Variants in NFIB observed in about 807,000 individuals in gnomAD.
The protein encoded by NFIB is nuclear factor I B.
In NFIB, 11 loss-of-function variants were observed where a neutral mutation model predicts 61.5. That is an observed-to-expected ratio of 0.18 (90% CI 0.11 to 0.30). The LOEUF (loss-of-function observed/expected upper bound fraction) is 0.30, where lower values mean the gene tolerates loss of function less well. Ranked by LOEUF, NFIB falls within the 10% of genes least tolerant of loss-of-function variation. The pLI is 1.00. For synonymous variants in NFIB, 260 were observed against 216.5 expected, an observed-to-expected ratio of 1.20 and a Z score of -1.76; for missense variants, 471 against 608.9, an observed-to-expected ratio of 0.77 and a Z score of 2.38.
chr9:14,103,153 A>C (rs992929262), intron 10 of NFIB, among the ~76,000 whole-genome samples: 5 of 152,196 alleles, frequency 3.3e-5, no homozygotes, highest in Admixed American at 3.3e-4. Flanking sequence ...GAAGAAAGTG[A>C]GGAATGCACT....
chr9:14,265,366 A>G (rs1202381041), intron 2 of NFIB, among the ~76,000 whole-genome samples: 1 of 152,170 alleles, frequency 6.6e-6, no homozygotes, highest in Non-Finnish European at 1.5e-5. Context: ...GGTAATTAAG[A>G]TTACGTGACA....
chr9:14,249,795 C>T (rs1563943801), intron 2 of NFIB, among the ~76,000 whole-genome samples: 1 of 152,050 alleles, frequency 6.6e-6, no homozygotes, highest in Non-Finnish European at 1.5e-5. Context: ...AATTCCACAA[C>T]CCCTTCACCA....
chr9:14,125,830 C>A, intron 6 of NFIB, 64 bp from the exon 7 acceptor site: 1 of 1,571,982 alleles, frequency 6.4e-7, no homozygotes, highest in East Asian at 2.3e-5. Flanking sequence ...TTCATGTCAA[C>A]AAATGACAGA....
At chr9:14,364,930 C>G (rs1359847002) in intron 1 of NFIB, among the ~76,000 whole-genome samples, 1 of 152,206 alleles carries the variant, frequency 6.6e-6, no homozygotes, top group African/African-American at 2.4e-5. Flanking sequence ...TCTTGGTAAT[C>G]TAACAGCAAT....
At chr9:14,248,743 T>C (rs1382881356) in intron 2 of NFIB, among the ~76,000 whole-genome samples, 2 of 152,084 alleles carry the variant, frequency 1.3e-5, no homozygotes, top group African/African-American at 2.4e-5. Context: ...CAGCAACAGG[T>C]TCAGGGGTAG....
the NFIB span, among the ~76,000 whole-genome samples, chr9:14,406,557 A>G: frequency 7.2e-5 from 11 of 152,262 alleles, no homozygotes; most frequent in African/African-American, 2.4e-4. Context: ...AGAAGGAAAC[A>G]TGACACAGAT....
chr9:14,439,700 G>T, the NFIB span, among the ~76,000 whole-genome samples: 4 of 152,150 alleles, frequency 2.6e-5, no homozygotes, highest in Admixed American at 6.5e-5. Context: ...TCAGGGCCAA[G>T]GGGTGAGTTG....
At chr9:14,167,966 T>G (rs2045090582) in intron 3 of NFIB, among the ~76,000 whole-genome samples, 1 of 152,134 alleles carries the variant, frequency 6.6e-6, no homozygotes, top group Non-Finnish European at 1.5e-5. Context: ...TATATTGGAG[T>G]GCTACAATTC....
Position 14,123,989 on chromosome 9 carries a change from G to C in NFIB, c.1060+1643C>G, listed in dbSNP as rs77508000. On this transcript the variant is annotated intron_variant, in intron 7 of 10. Transcript: ENST00000380953. Reference sequence around the variant, plus strand: ...TTCCAGGTATCTAAACCTTCTTCAGGTTATCTAGTCATGTTCAGATTAGAT... The same window carrying C: ...TTCCAGGTATCTAAACCTTCTTCAGCTTATCTAGTCATGTTCAGATTAGAT... Among the ~76,000 whole-genome samples the C allele has an allele frequency of 6.4e-3, 980 of 152,004 alleles. 13 individuals are homozygous for C. Among genetic ancestry groups the C allele is most frequent in the African/African-American group, 0.023 (936 of 41,430 alleles).
chr9:14,294,709 T>C (rs2132576406), intron 2 of NFIB, among the ~76,000 whole-genome samples: 1 of 152,332 alleles, frequency 6.6e-6, no homozygotes, highest in East Asian at 1.9e-4. Flanking sequence ...GGACAAACAG[T>C]GAAATAACTT....
chr9:14,091,188 A>G (rs2033844351), intron 10 of NFIB, among the ~76,000 whole-genome samples: 1 of 151,894 alleles, frequency 6.6e-6, no homozygotes, highest in South Asian at 2.1e-4. Flanking sequence ...CAAGTCTCTT[A>G]TTGCCAATTT....
intron 10 of NFIB, among the ~76,000 whole-genome samples, chr9:14,105,776 A>G (rs1039004877): frequency 6.6e-6 from 1 of 152,172 alleles, no homozygotes; most frequent in African/African-American, 2.4e-5. Context: ...GGTTAATACT[A>G]CATGTATTTA....
intron 2 of NFIB, among the ~76,000 whole-genome samples, chr9:14,223,955 G>A (rs2052033265): frequency 6.6e-6 from 1 of 152,182 alleles, no homozygotes; most frequent in African/African-American, 2.4e-5. Flanking sequence ...GGGCTGTCCT[G>A]TGTATCTTCT....
At chr9:14,159,708 G>C (rs1388588262) in intron 3 of NFIB, among the ~76,000 whole-genome samples, 1 of 152,212 alleles carries the variant, frequency 6.6e-6, no homozygotes, top group Non-Finnish European at 1.5e-5. Context: ...TTACTCATTA[G>C]CATACAGAAG....
chr9:14,198,722 C>T (rs999753945), intron 2 of NFIB, among the ~76,000 whole-genome samples: 2 of 152,172 alleles, frequency 1.3e-5, no homozygotes, highest in Admixed American at 1.3e-4. Context: ...AGGTAACTCC[C>T]GCACATTGTT....
intron 6 of NFIB, among the ~76,000 whole-genome samples, chr9:14,141,915 A>AC (rs1445965985): frequency 6.8e-6 from 1 of 147,534 alleles, no homozygotes; most frequent in African/African-American, 2.5e-5. Flanking sequence ...AAAAAAAAAA[A>AC]AAAAAAAAAA....
At chr9:14,271,524 T>C (rs745986434) in intron 2 of NFIB, among the ~76,000 whole-genome samples, 4 of 152,034 alleles carry the variant, frequency 2.6e-5, no homozygotes, top group Non-Finnish European at 5.9e-5. Context: ...TTGTCACATG[T>C]AGGAATAAAC....
At chr9:14,098,293 C>T (rs2118756407) in intron 10 of NFIB, among the ~76,000 whole-genome samples, 1 of 152,276 alleles carries the variant, frequency 6.6e-6, no homozygotes, top group African/African-American at 2.4e-5. Flanking sequence ...CAGACACATA[C>T]AACCACTCAC....
At chr9:14,109,136 A>G (rs961458237) in intron 10 of NFIB, among the ~76,000 whole-genome samples, 5 of 152,040 alleles carry the variant, frequency 3.3e-5, no homozygotes, top group Non-Finnish European at 4.4e-5. Context: ...TAGACCAGAT[A>G]AGAAACTGGT....
Sources: allele counts gnomAD v4.1 joint callset (sites outside exome capture counted in the v4.1 genomes callset), GRCh38; gene constraint gnomAD v4.1.1; transcripts MANE v1.5; gene names NCBI Gene and HGNC (gene_info 2026-07-23, HGNC 2026-07-21).